DAB1: variants seen among roughly 807,000 people sequenced by gnomAD.
The protein encoded by DAB1 is disabled homolog 1.
DAB1 carries 15 observed loss-of-function variants against 64.6 expected under a neutral mutation model. The ratio of observed to expected loss-of-function variants is 0.23; its 90% CI spans 0.16 to 0.36. The LOEUF (loss-of-function observed/expected upper bound fraction) is 0.36. DAB1 is among the 10% of genes least tolerant of loss of function. DAB1 has a pLI of 1.00. For missense variants in DAB1, 596 were observed against 706.7 expected (o/e 0.84, Z 1.78); for synonymous variants, 235 against 251.9 (o/e 0.93, Z 0.64).
At chr1:57,227,142 T>C (rs114060738) in intron 2 of DAB1, among the ~76,000 whole-genome samples, 2,230 of 152,266 alleles carry the variant, frequency 0.015, 41 homozygotes, top group African/African-American at 0.051. Context: ...ACCACTGCAC[T>C]CCAGCATGGG....
At chr1:57,901,348 A>G (rs962852439) in intron 5 of DAB1, among the ~76,000 whole-genome samples, 1 of 152,172 alleles carries the variant, frequency 6.6e-6, no homozygotes, top group Non-Finnish European at 1.5e-5. Flanking sequence ...CAATGTGTTC[A>G]TTAGCGAGCT....
intron 7 of DAB1, among the ~76,000 whole-genome samples, chr1:57,432,835 A>G (rs1230490362): frequency 6.6e-6 from 1 of 152,234 alleles, no homozygotes; most frequent in Admixed American, 6.5e-5. Context: ...CTCTAGAAAG[A>G]TATTTATATT....
At chr1:57,110,544 C>T (rs1557738586) in intron 4 of DAB1, among the ~76,000 whole-genome samples, 1 of 152,214 alleles carries the variant, frequency 6.6e-6, no homozygotes, top group Non-Finnish European at 1.5e-5. Flanking sequence ...CTATTAAAAA[C>T]AATTCGTTGA....
intron 1 of DAB1, among the ~76,000 whole-genome samples, chr1:57,872,667 G>A (rs1168599621): frequency 6.6e-6 from 1 of 152,122 alleles, no homozygotes; most frequent in Non-Finnish European, 1.5e-5. Flanking sequence ...CTGGCCTTGG[G>A]TTTGGAGGTG....
chr1:57,339,706 T>C (rs747300128), intron 1 of DAB1, among the ~76,000 whole-genome samples: 47 of 152,206 alleles, frequency 3.1e-4, no homozygotes, highest in Non-Finnish European at 6.8e-4. Context: ...ACACACACTA[T>C]GTGCACACTA....
chr1:57,922,325 GGAAGAAATGAAGGATGTGTA>G (rs533750797), intron 5 of DAB1, among the ~76,000 whole-genome samples: 16 of 151,992 alleles, frequency 1.1e-4, no homozygotes, highest in Admixed American at 2.0e-4. Flanking sequence ...GGAAGGAAGA[GGAAGAAATGAAGGATGTGTA>G]GAAGAAATGA....
intron 7 of DAB1, among the ~76,000 whole-genome samples, chr1:57,615,559 G>A (rs189018950): frequency 2.6e-5 from 4 of 152,230 alleles, no homozygotes; most frequent in Non-Finnish European, 4.4e-5. Context: ...CAGTATTATC[G>A]TACTACTTGG....
intron 1 of DAB1, among the ~76,000 whole-genome samples, chr1:57,348,439 G>A (rs1267095453): frequency 2.6e-5 from 4 of 152,082 alleles, no homozygotes; most frequent in Non-Finnish European, 5.9e-5. Context: ...ATATTCATAA[G>A]GTAGCTGAAA....
At chr1:58,079,763 C>T (rs902234237) in intron 5 of DAB1, among the ~76,000 whole-genome samples, 7 of 152,020 alleles carry the variant, frequency 4.6e-5, no homozygotes, top group South Asian at 2.1e-4. Flanking sequence ...TCATGATCCA[C>T]CTGCCTCAAC....
chr1:57,574,401 T>C (rs1256680457), intron 7 of DAB1, among the ~76,000 whole-genome samples: 1 of 152,196 alleles, frequency 6.6e-6, no homozygotes, highest in Middle Eastern at 3.2e-3. Flanking sequence ...CAAGCATTTA[T>C]TGAATTTCCA....
chr1:58,410,112 G>A (rs1644652624), intron 3 of DAB1, among the ~76,000 whole-genome samples: 1 of 152,156 alleles, frequency 6.6e-6, no homozygotes, highest in Non-Finnish European at 1.5e-5. Flanking sequence ...AAGAGTAATT[G>A]GATTTTTTTC....
intron 9 of DAB1, among the ~76,000 whole-genome samples, chr1:57,045,645 C>A (rs1315505724): frequency 6.6e-6 from 1 of 152,074 alleles, no homozygotes; most frequent in Non-Finnish European, 1.5e-5. Flanking sequence ...TTGCAGTGAG[C>A]TGAGATCACA....
chr1:57,257,781 C>T (rs1454439603), intron 2 of DAB1, among the ~76,000 whole-genome samples: 1 of 152,228 alleles, frequency 6.6e-6, no homozygotes, highest in Non-Finnish European at 1.5e-5. Flanking sequence ...CTCTTCAAGG[C>T]TTTGGTGGCT....
intron 5 of DAB1, among the ~76,000 whole-genome samples, chr1:57,894,176 T>G (rs1198711925): frequency 4.6e-5 from 7 of 152,196 alleles, no homozygotes; most frequent in Admixed American, 4.6e-4. Context: ...AGTTGCCCAC[T>G]TGGGCCTCTT....
At chr1:57,487,245 G>A (rs190435224) in intron 7 of DAB1, among the ~76,000 whole-genome samples, 2 of 152,330 alleles carry the variant, frequency 1.3e-5, no homozygotes, top group African/African-American at 4.8e-5. Context: ...ACCCACTGGA[G>A]GCCCACAGTG....
intron 4 of DAB1, among the ~76,000 whole-genome samples, chr1:58,320,553 C>T (rs1569639207): frequency 6.6e-6 from 1 of 152,200 alleles, no homozygotes; most frequent in Non-Finnish European, 1.5e-5. Context: ...CCAGACATGT[C>T]TGCAACCAAA....
chr1:58,016,155 C>A (rs566713883), intron 5 of DAB1, among the ~76,000 whole-genome samples: 1 of 152,128 alleles, frequency 6.6e-6, no homozygotes, highest in African/African-American at 2.4e-5. Flanking sequence ...AATTGGGGGT[C>A]AGTACATTTT....
intron 2 of DAB1, among the ~76,000 whole-genome samples, chr1:57,254,338 GA>G (rs1669596480): frequency 6.6e-6 from 1 of 152,184 alleles, no homozygotes; most frequent in Non-Finnish European, 1.5e-5. Context: ...GGCTGCTTTG[GA>G]AAATGTAGAA....
At chr1:57,347,443 G>C (rs1214271977) in intron 1 of DAB1, among the ~76,000 whole-genome samples, 1 of 152,120 alleles carries the variant, frequency 6.6e-6, no homozygotes, top group Non-Finnish European at 1.5e-5. Flanking sequence ...GATTCTAATG[G>C]TATGAAAGAG....
Sources: gnomAD v4.1 joint callset for allele counts (sites outside exome capture counted in the v4.1 genomes callset) on GRCh38, gnomAD v4.1.1 for gene constraint, MANE v1.5 for transcripts, NCBI Gene and HGNC (gene_info 2026-07-23, HGNC 2026-07-21) for gene names.